PLEKHH3: variants seen among roughly 807,000 people sequenced by gnomAD.
PLEKHH3 encodes the protein pleckstrin homology, MyTH4 and FERM domain containing H3, also known as pleckstrin homology domain-containing family H member 3.
A neutral mutation model predicts 77.8 loss-of-function variants in PLEKHH3; 57 were observed. The ratio of observed to expected loss-of-function variants is 0.73; its 90% CI spans 0.59 to 0.91. PLEKHH3 has a LOEUF of 0.91. Ranked by LOEUF, PLEKHH3 falls within the 40% of genes least tolerant of loss-of-function variation. The pLI, the probability that PLEKHH3 is intolerant of heterozygous loss-of-function variation, is 0.00. For synonymous variants in PLEKHH3, 467 were observed against 504.8 expected (o/e 0.93, Z 1.00); for missense variants, 1,082 against 1,091.2 (o/e 0.99, Z 0.12).
rs1449726247 is a variant in PLEKHH3 at position 42,676,275 on chromosome 17, CA to C, written c.162+126del. The stretch of plus-strand genomic sequence containing the variant: ...GCTCCCGGGGGCTTTGGCCCCCAGG[CA>C]AAAAACTCTCCCTCATCCCTAGTTC... On this transcript the variant is annotated intron_variant, in intron 1 of 12. Transcript: ENST00000591022. The surrounding 1 kb of genome is among the most constrained non-coding windows in gnomAD (Gnocchi z 6.6). 1.4e-6 allele frequency: 2 copies of C among 1,481,404 alleles called. No individual in the cohort carries two copies. Among genetic ancestry groups the C allele is most frequent in the Non-Finnish European group, 1.8e-6 (2 of 1,116,804 alleles). The allele number at this position is 1,481,404 out of a possible 1,614,324, so 91.8% of individuals were successfully genotyped here. A position where few individuals can be genotyped will look rare whatever the true frequency, so the allele number is the denominator to read the frequency against.
intron 7 of PLEKHH3, 68 bp downstream of exon 7, chr17:42,672,010 TTGCAAAAG>T (rs1420874991): frequency 4.0e-6 from 5 of 1,263,502 alleles, no homozygotes; most frequent in Non-Finnish European, 5.4e-6. Flanking sequence ...ACCAAGTCTT[TTGCAAAAG>T]ACCTTTCATT....
rs1452253550 is a variant in PLEKHH3 at position 42,673,402 on chromosome 17, T to A, written c.645A>T (p.Ile215=). The A allele has an allele frequency of 3.1e-6, 5 of 1,613,300 alleles. No individual in the cohort carries two copies. The highest frequency in any genetic ancestry group is 4.2e-6 in the Non-Finnish European group (5 of 1,179,868). ...CCTGGCTCTCCCTGGTGTGTACCTG[T>A]ATGTCCCTGAGCAGTAGCTGGGTGG... ...ETPTQLLLRD[I]QESCGDPEAV... Residue 215 remains isoleucine (I), a synonymous_variant, in exon 5 of 13, where the codon ATA becomes ATT. Coordinates refer to ENST00000591022, the MANE Select transcript of PLEKHH3 (RefSeq NM_024927.5).
At position 42,676,314 on chromosome 17, in the gene PLEKHH3, G is replaced by A; in HGVS notation, c.162+88C>T. 1 of 1,570,192 alleles carries A rather than the reference G, an allele frequency of 6.4e-7. No homozygotes were observed. The highest frequency in any genetic ancestry group is 8.6e-7 in the Non-Finnish European group (1 of 1,157,166). On this transcript the variant is annotated intron_variant, in intron 1 of 12. Coordinates refer to ENST00000591022, the MANE Select transcript of PLEKHH3 (RefSeq NM_024927.5). This position sits in a 1 kb window ranked among gnomAD's most constrained non-coding sequence, Gnocchi z 6.6. ...TCATCCCTAGTTCGCCAAGCGCGCA[G>A]CGTGTGGCTGGAGGCTGGAGCGGAT...
At position 42,668,247 on chromosome 17, in the gene PLEKHH3, C is replaced by A. The variant is rs758029806; in HGVS notation, c.2262G>T (p.Arg754Ser). 7.1e-6 allele frequency: 11 copies of A among 1,558,486 alleles called. No homozygotes were observed. The highest frequency in any genetic ancestry group is 9.5e-6 in the Non-Finnish European group (11 of 1,159,298). The change falls in exon 13 of 13, where the codon AGG becomes AGT. Residue 754 changes from arginine to serine, a missense_variant. Around this residue, in one of 3 missense-constraint regions of PLEKHH3, gnomAD observed 733 missense variants for 750.0 expected, o/e 0.98. Coordinates refer to ENST00000591022, the MANE Select transcript of PLEKHH3 (RefSeq NM_024927.5). ...NAYLANPSPE[R>S]PCSSSSPPCQ... ...ATGGAGGAGAAGAGCTGCTGCAGGG[C>A]CTCTCGGGGGAGGGGTTGGCCAAGT...
Position 42,676,311 on chromosome 17 carries a change from G to T in PLEKHH3, c.162+91C>A, listed in dbSNP as rs1442385584. 1 of 1,562,872 alleles carries T rather than the reference G, an allele frequency of 6.4e-7. No individual in the cohort carries two copies. Among genetic ancestry groups the T allele is most frequent in the Non-Finnish European group, 8.7e-7 (1 of 1,153,874 alleles). On this transcript the variant is annotated intron_variant, in intron 1 of 12. Coordinates refer to ENST00000591022, the MANE Select transcript of PLEKHH3 (RefSeq NM_024927.5). This position sits in a 1 kb window ranked among gnomAD's most constrained non-coding sequence, Gnocchi z 6.6. ...CCCTCATCCCTAGTTCGCCAAGCGC[G>T]CAGCGTGTGGCTGGAGGCTGGAGCG...
In PLEKHH3 at chr17:42,670,456, C is replaced by G. The variant is rs867824529; in HGVS notation, c.1555-80G>C. 39 of 1,511,918 alleles carry G rather than the reference C, an allele frequency of 2.6e-5. No individual in the cohort carries two copies. In the Middle Eastern group the frequency reaches 7.1e-4, roughly 27 times the overall value. 93.7% of individuals were successfully genotyped at this position (1,511,918 alleles called of 1,614,324 possible). On this transcript the variant is annotated intron_variant, in intron 10 of 12. Transcript: ENST00000591022. ...AACGCCTCGCGGAATCTGAGCAGGTCTAGGTTCCAGTCAAGCCTCCCGCGG... is the reference window on the plus strand; with the variant it reads ...AACGCCTCGCGGAATCTGAGCAGGTGTAGGTTCCAGTCAAGCCTCCCGCGG...
rs1223148912 is a variant in PLEKHH3 at position 42,672,403 on chromosome 17, G to A, written c.770-11C>T. On this transcript the variant is annotated splice_polypyrimidine_tract_variant and intron_variant, in intron 6 of 12. Coordinates refer to ENST00000591022, the MANE Select transcript of PLEKHH3 (RefSeq NM_024927.5). ...GTGCATAGCCCGGACCTGTGGGAGGGTGGGGGCGGAGGGACGGTTTGGAGA... is the reference window on the plus strand; with the variant it reads ...GTGCATAGCCCGGACCTGTGGGAGGATGGGGGCGGAGGGACGGTTTGGAGA... The A allele has an allele frequency of 1.1e-5, 16 of 1,498,112 alleles. No homozygotes were observed. Among genetic ancestry groups the A allele is most frequent in the Admixed American group, 2.2e-5 (1 of 46,250 alleles). The allele number at this position is 1,498,112 out of a possible 1,614,324, so 92.8% of individuals were successfully genotyped here.
Position 42,673,701 on chromosome 17 carries a change from G to T in PLEKHH3, c.432C>A (p.Ser144Arg). The T allele has an allele frequency of 1.2e-6, 2 of 1,601,790 alleles. No individual in the cohort carries two copies. Among genetic ancestry groups the T allele is most frequent in the Non-Finnish European group, 8.5e-7 (1 of 1,179,880 alleles). ...CCGAGCACAGGCTGGTGAGCACGAGGCTCCCGAGACGCCGCGCCCCTTTCC... is the reference window on the plus strand; with the variant it reads ...CCGAGCACAGGCTGGTGAGCACGAGTCTCCCGAGACGCCGCGCCCCTTTCC... ...SSGKGARRLG[S>R]LVLTSLCSVT... Residue 144 changes from serine (S) to arginine (R), a missense_variant, in exon 4 of 13, where the codon AGC becomes AGA. Around this residue, in one of 3 missense-constraint regions of PLEKHH3, gnomAD observed 344 missense variants for 320.8 expected, o/e 1.07. Coordinates refer to ENST00000591022, the MANE Select transcript of PLEKHH3 (RefSeq NM_024927.5).
Position 42,670,613 on chromosome 17 carries a change from AGCC to A in PLEKHH3, c.1511_1513del (p.Gly504_Leu505delinsVal). 1 of 1,612,540 alleles carries A rather than the reference AGCC, an allele frequency of 6.2e-7. No homozygotes were observed. The highest frequency in any genetic ancestry group is 8.5e-7 in the Non-Finnish European group (1 of 1,179,412). On this transcript the variant is annotated inframe_deletion, in exon 10 of 13. Coordinates refer to ENST00000591022, the MANE Select transcript of PLEKHH3 (RefSeq NM_024927.5). ...AGGCAGTTCGTGACCGTCTGGGGAC[AGCC>A]CCTCAGGGTGCAGAGGTCCGTGAAG...
In PLEKHH3 at chr17:42,673,502, G is replaced by C. The variant is rs371085129; in HGVS notation, c.545C>G (p.Pro182Arg). 4.4e-6 allele frequency: 7 copies of C among 1,606,960 alleles called. No homozygotes were observed. Among genetic ancestry groups the C allele is most frequent in the Non-Finnish European group, 5.9e-6 (7 of 1,177,370 alleles). The change falls in exon 5 of 13, where the codon CCA (proline) becomes CGA (arginine). Residue 182 changes from proline to arginine, a missense_variant. Pro to Arg is a moderately radical substitution (Grantham distance 103, BLOSUM62 -2). Around this residue, in one of 3 missense-constraint regions of PLEKHH3, gnomAD observed 344 missense variants for 320.8 expected, o/e 1.07. Coordinates refer to ENST00000591022, the MANE Select transcript of PLEKHH3 (RefSeq NM_024927.5). Reference sequence around the variant, plus strand: ...CCAGCGCTCAGCCTCTGCCTGGCGTGGGGAGCAGAGGCGGACACTGTGTTT... The same window carrying C: ...CCAGCGCTCAGCCTCTGCCTGGCGTCGGGAGCAGAGGCGGACACTGTGTTT... ...GRKHSVRLCS[P>R]RQAEAERWGV...
chr17:42,671,542 G>C lies in PLEKHH3; in HGVS notation c.1093C>G (p.Pro365Ala), dbSNP rs780910896. The C allele has an allele frequency of 6.2e-7, 1 of 1,611,020 alleles. No homozygotes were observed. The stretch of plus-strand genomic sequence containing the variant: ...GCATATTCCGCCAGTTCCGAGTCCG[G>C]GAGTGCCTGCTCGGTCCTGGGTTAG... ...GHLERTEQAL[P>A]DSELAEYARF... The change falls in exon 8 of 13, where the codon CCG becomes GCG. Residue 365 changes from proline to alanine, a missense_variant. Coordinates refer to ENST00000591022, the MANE Select transcript of PLEKHH3 (RefSeq NM_024927.5). The surrounding 1 kb of genome is among the most constrained non-coding windows in gnomAD (Gnocchi z 4.7).
intron 7 of PLEKHH3, 66 bp downstream of exon 7, chr17:42,672,020 C>A: frequency 7.5e-7 from 1 of 1,327,824 alleles, no homozygotes; most frequent in Non-Finnish European, 1.0e-6. Flanking sequence ...TTGCAAAAGA[C>A]CTTTCATTCT....
At position 42,670,111 on chromosome 17, in the gene PLEKHH3, C is replaced by CAG; in HGVS notation, c.1819_1820insCT (p.Gly607AlafsTer64). On this transcript the variant is annotated frameshift_variant, in exon 11 of 13. Coordinates refer to ENST00000591022, the MANE Select transcript of PLEKHH3 (RefSeq NM_024927.5). LOFTEE classifies it high-confidence loss of function. ...GCTTCCCGCAGTGCGGCCGGCCCCG[C>CAG]CGCGCCGGGCCCGCTCCGCCCGCCT... The CAG allele has an allele frequency of 1.5e-6, 2 of 1,310,716 alleles. No homozygotes were observed. Among genetic ancestry groups the CAG allele is most frequent in the Non-Finnish European group, 9.6e-7 (1 of 1,037,956 alleles). The allele number at this position is 1,310,716 out of a possible 1,614,324, so 81.2% of individuals were successfully genotyped here. A position where few individuals can be genotyped will look rare whatever the true frequency, so the allele number is the denominator to read the frequency against.
At position 42,673,969 on chromosome 17, in the gene PLEKHH3, CCT is replaced by C; in HGVS notation, c.261_262del (p.Gly88AlafsTer73). 1 of 1,613,528 alleles carries C rather than the reference CCT, an allele frequency of 6.2e-7. No individual in the cohort carries two copies. Among genetic ancestry groups the C allele is most frequent in the Non-Finnish European group, 8.5e-7 (1 of 1,179,922 alleles). ...GATGTCCGGGTCGTCCTCCGGCAGCCCTTTCTCCGGGATGAGGCTCCAAGTCT... is the reference window on the plus strand; with the variant it reads ...GATGTCCGGGTCGTCCTCCGGCAGCCTTCTCCGGGATGAGGCTCCAAGTCT... On this transcript the variant is annotated frameshift_variant, in exon 3 of 13. Coordinates refer to ENST00000591022, the MANE Select transcript of PLEKHH3 (RefSeq NM_024927.5). LOFTEE classifies it high-confidence loss of function.
chr17:42,673,048 T>C, intron 6 of PLEKHH3, 128 bp downstream of exon 6: 1 of 1,303,328 alleles, frequency 7.7e-7, no homozygotes, highest in South Asian at 1.9e-5. Context: ...TTCACCTTCA[T>C]CCTTCGAAAA....
intron 1 of PLEKHH3, among the ~76,000 whole-genome samples, chr17:42,675,093 GCCCTCC>G (rs758295744): frequency 9.2e-5 from 14 of 152,124 alleles, no homozygotes; most frequent in Non-Finnish European, 1.6e-4. Context: ...TCAGGGTTTT[GCCCTCC>G]CCCTCCCCCT....
chr17:42,673,180 G>C lies in PLEKHH3; in HGVS notation c.765C>G (p.Ala255=). 1 of 1,519,988 alleles carries C rather than the reference G, an allele frequency of 6.6e-7. No individual in the cohort carries two copies. Among genetic ancestry groups the C allele is most frequent in the Non-Finnish European group, 8.8e-7 (1 of 1,135,868 alleles). The allele number at this position is 1,519,988 out of a possible 1,614,324, so 94.2% of individuals were successfully genotyped here. Residue 255 remains alanine (A), a synonymous_variant, in exon 6 of 13, where the codon GCC becomes GCG. Coordinates refer to ENST00000591022, the MANE Select transcript of PLEKHH3 (RefSeq NM_024927.5). ...TTGGGCCATGGGACCACTCACCTGGGGCGCTGACTCCATAGGGCAGGGGCA... is the reference window on the plus strand; with the variant it reads ...TTGGGCCATGGGACCACTCACCTGGCGCGCTGACTCCATAGGGCAGGGGCA... The part of the protein sequence containing the change: ...PLLPLPYGVS[A]PGPGYAPLRE...
Position 42,670,653 on chromosome 17 carries a change from G to A in PLEKHH3, c.1474C>T (p.Leu492=). ...AGAGGTCCGTGAAGACGCAGACATA[G>A]TCTCCACCCGGAGTCGGGCGAGTCC... ...LEDSPDSGWR[L]CLRLHGPLHP... Residue 492 remains leucine, a synonymous_variant, in exon 10 of 13, where the codon CTA becomes TTA. Coordinates refer to ENST00000591022, the MANE Select transcript of PLEKHH3 (RefSeq NM_024927.5). 6.2e-7 allele frequency: 1 copy of A among 1,613,246 alleles called. No individual in the cohort carries two copies. The highest frequency in any genetic ancestry group is 1.1e-5 in the South Asian group (1 of 91,092).
At chr17:42,675,654 C>CCACA (rs1172792648) in intron 1 of PLEKHH3, among the ~76,000 whole-genome samples, 1 of 152,160 alleles carries the variant, frequency 6.6e-6, no homozygotes, top group East Asian at 1.9e-4. Flanking sequence ...CTGACCCGGG[C>CCACA]CACAGCACAC....
Sources: allele counts gnomAD v4.1 joint callset (sites outside exome capture counted in the v4.1 genomes callset), GRCh38; gene constraint gnomAD v4.1.1; regional missense constraint gnomAD v4.1.1; non-coding constraint Gnocchi (gnomAD v3.1); transcripts MANE v1.5; gene names NCBI Gene and HGNC (gene_info 2026-07-23, HGNC 2026-07-21).